Variants in KCNQ5 observed in about 807,000 individuals in gnomAD.
The protein encoded by KCNQ5 is potassium voltage-gated channel subfamily Q member 5, also known as potassium voltage-gated channel subfamily KQT member 5.
A neutral mutation model predicts 98.2 loss-of-function variants in KCNQ5; 30 were observed. That is an observed-to-expected ratio of 0.31 (90% CI 0.23 to 0.41). KCNQ5 has a LOEUF of 0.41. Among genes scored for constraint, KCNQ5 ranks in the 10% least tolerant of loss-of-function variants. KCNQ5 has a pLI of 1.00. For synonymous variants in KCNQ5, 458 were observed against 449.4 expected (o/e 1.02, Z -0.24); for missense variants, 835 against 1,182.5 (o/e 0.71, Z 4.31).
chr6:73,054,052 A>T (rs534828202), intron 3 of KCNQ5, among the ~76,000 whole-genome samples: 62 of 152,294 alleles, frequency 4.1e-4, no homozygotes, highest in African/African-American at 1.4e-3. Context: ...ACCCTCAGAG[A>T]CTACTAAAAA....
At chr6:73,133,707 A>G (rs896601221) in intron 10 of KCNQ5, 66 bp downstream of exon 10, 8 of 1,343,706 alleles carry the variant, frequency 6.0e-6, no homozygotes, top group Non-Finnish European at 8.4e-6. Flanking sequence ...TTATGAAGTA[A>G]TTAATTCTCC....
At chr6:72,658,125 C>G (rs1037906083) in intron 1 of KCNQ5, among the ~76,000 whole-genome samples, 1 of 152,124 alleles carries the variant, frequency 6.6e-6, no homozygotes, top group Non-Finnish European at 1.5e-5. Flanking sequence ...AAGATTCAGT[C>G]TGAATTCCAA....
At chr6:73,068,125 G>A (rs918842195) in intron 3 of KCNQ5, among the ~76,000 whole-genome samples, 1 of 151,966 alleles carries the variant, frequency 6.6e-6, no homozygotes, top group Non-Finnish European at 1.5e-5. Context: ...GTGAAACATC[G>A]TCTCTACTAG....
rs1023604699 is a variant in KCNQ5, at chr6:73,029,927, G to A, written c.490-12009G>A. 7.5e-3 allele frequency among the ~76,000 whole-genome samples: 610 copies of A among 81,192 alleles called. 16 individuals carry two copies. The highest frequency in any genetic ancestry group is 0.055 in the Admixed American group (474 of 8,594). 53.3% of individuals were successfully genotyped at this position (81,192 alleles called of 152,430 possible). On this transcript the variant is annotated intron_variant, in intron 2 of 13. Coordinates refer to ENST00000370398, the MANE Select transcript of KCNQ5 (RefSeq NM_019842.4). ...CTCAAAAAAAAAAAAAAAAAAAAAAGAGTATACTTGATTTATGGCATGAGT... is the reference window on the plus strand; with the variant it reads ...CTCAAAAAAAAAAAAAAAAAAAAAAAAGTATACTTGATTTATGGCATGAGT...
intron 11 of KCNQ5, among the ~76,000 whole-genome samples, chr6:73,188,020 A>G (rs1205343925): frequency 6.6e-6 from 1 of 152,206 alleles, no homozygotes; most frequent in Non-Finnish European, 1.5e-5. Flanking sequence ...GTCCCAAACC[A>G]CAAATGTGTG....
In KCNQ5 at chr6:72,737,182, A is replaced by T. The variant is rs536022589; in HGVS notation, c.398+114595A>T. ...CACCATGTTGGCCAAGCTGGTTTGAACTCCCGGCCTCAAGTGATCTGCCCA... is the reference window on the plus strand; with the variant it reads ...CACCATGTTGGCCAAGCTGGTTTGATCTCCCGGCCTCAAGTGATCTGCCCA... On this transcript the variant is annotated intron_variant, in intron 1 of 13. Coordinates refer to ENST00000370398, the MANE Select transcript of KCNQ5 (RefSeq NM_019842.4). 9.9e-5 allele frequency among the ~76,000 whole-genome samples: 15 copies of T among 151,252 alleles called. No individual in the cohort carries two copies. In the South Asian group the frequency reaches 3.2e-3, roughly 32 times the overall value.
intron 10 of KCNQ5, chr6:73,157,511 G>T: frequency 1.4e-6 from 1 of 715,354 alleles, no homozygotes; most frequent in East Asian, 2.7e-5. Context: ...TGACCAGACT[G>T]AAGAACTAAC....
intron 2 of KCNQ5, among the ~76,000 whole-genome samples, chr6:73,037,598 A>G (rs1161710904): frequency 1.3e-5 from 2 of 152,150 alleles, no homozygotes; most frequent in Non-Finnish European, 2.9e-5. Context: ...TTTTTCCAGC[A>G]TCATTTGTTG....
At chr6:73,129,360 G>A (rs1214367206) in intron 9 of KCNQ5, among the ~76,000 whole-genome samples, 5 of 152,124 alleles carry the variant, frequency 3.3e-5, no homozygotes, top group African/African-American at 1.2e-4. Flanking sequence ...AACTATAAAT[G>A]CAGATGTTTC....
intron 2 of KCNQ5, among the ~76,000 whole-genome samples, chr6:73,026,032 C>T (rs1186671704): frequency 1.3e-5 from 2 of 152,190 alleles, no homozygotes; most frequent in African/African-American, 2.4e-5. Context: ...TATTCCCTTG[C>T]CTAGAATAGA....
chr6:73,023,399 T>C (rs1770702220), intron 2 of KCNQ5, among the ~76,000 whole-genome samples: 1 of 152,114 alleles, frequency 6.6e-6, no homozygotes, highest in South Asian at 2.1e-4. Context: ...TATTTATCTA[T>C]AGTCCAGGAG....
At chr6:72,730,405 G>T (rs1003434443) in intron 1 of KCNQ5, among the ~76,000 whole-genome samples, 3 of 151,784 alleles carry the variant, frequency 2.0e-5, no homozygotes, top group Non-Finnish European at 2.9e-5. Flanking sequence ...ACCACTTTGA[G>T]GTTATAAAAA....
At chr6:73,139,651 C>T (rs1282210039) in intron 10 of KCNQ5, among the ~76,000 whole-genome samples, 3 of 152,114 alleles carry the variant, frequency 2.0e-5, no homozygotes, top group African/African-American at 4.8e-5. Context: ...ATAGACTAGA[C>T]TGTCTCCTTG....
chr6:73,156,259 A>G (rs1777358834), intron 10 of KCNQ5, among the ~76,000 whole-genome samples: 1 of 152,254 alleles, frequency 6.6e-6, no homozygotes. Context: ...ACCACCATTA[A>G]TAGTAGCCAT....
chr6:73,012,842 A>C (rs1376509711), intron 2 of KCNQ5, among the ~76,000 whole-genome samples: 1 of 146,350 alleles, frequency 6.8e-6, no homozygotes, highest in African/African-American at 2.4e-5. Flanking sequence ...AAATTAAAAA[A>C]AATTAAATGA....
At chr6:73,161,805 C>T (rs1777624263) in intron 10 of KCNQ5, among the ~76,000 whole-genome samples, 1 of 152,054 alleles carries the variant, frequency 6.6e-6, no homozygotes, top group Admixed American at 6.6e-5. Flanking sequence ...CTTTACCATC[C>T]TCTCTCTTCA....
At chr6:73,111,468 C>A in intron 7 of KCNQ5, 65 bp downstream of exon 7, 1 of 1,035,158 alleles carries the variant, frequency 9.7e-7, no homozygotes, top group Non-Finnish European at 1.5e-6. Flanking sequence ...GGTCATTTTC[C>A]AATCTCTGTG....
intron 3 of KCNQ5, among the ~76,000 whole-genome samples, chr6:73,070,100 C>G (rs1014826861): frequency 6.6e-6 from 1 of 152,072 alleles, no homozygotes; most frequent in East Asian, 1.9e-4. Context: ...GATGTTAATC[C>G]GTGAATTTAA....
intron 11 of KCNQ5, among the ~76,000 whole-genome samples, chr6:73,180,215 G>A (rs1011947117): frequency 3.3e-5 from 5 of 152,218 alleles, no homozygotes; most frequent in Non-Finnish European, 7.3e-5. Context: ...TTGTCATCAC[G>A]TAGGAGGCTT....
Sources: allele counts gnomAD v4.1 joint callset (sites outside exome capture counted in the v4.1 genomes callset), GRCh38; gene constraint gnomAD v4.1.1; transcripts MANE v1.5; gene names NCBI Gene and HGNC (gene_info 2026-07-23, HGNC 2026-07-21).